SYT16: variants seen among roughly 807,000 people sequenced by gnomAD.
SYT16 encodes the protein synaptotagmin-16.
Under a neutral mutation model 61.4 loss-of-function variants are expected in SYT16, and 42 were observed. That is an observed-to-expected ratio of 0.68 (90% CI 0.53 to 0.89). The LOEUF is 0.89. Among genes scored for constraint, SYT16 ranks in the 40% least tolerant of loss-of-function variants. The probability of loss-of-function intolerance (pLI) is 0.00; values close to 1 mark genes in which losing one functional copy is unlikely to be tolerated. For synonymous variants in SYT16, 314 were observed against 302.3 expected, an observed-to-expected ratio of 1.04 and a Z score of -0.40; for missense variants, 804 against 807.3, an observed-to-expected ratio of 1.00 and a Z score of 0.05.
intron 3 of SYT16, among the ~76,000 whole-genome samples, chr14:62,042,953 A>G (rs896932649): frequency 9.2e-5 from 14 of 152,146 alleles, no homozygotes; most frequent in Admixed American, 9.2e-4. Context: ...AGAGTTCAGT[A>G]TCTTGAGAAC....
chr14:62,003,145 G>A (rs972008686), intron 3 of SYT16, among the ~76,000 whole-genome samples: 7 of 152,132 alleles, frequency 4.6e-5, no homozygotes, highest in Admixed American at 1.3e-4. Context: ...CCTTCCCCAA[G>A]TGGCCTAAGG....
chr14:61,915,579 C>G (rs978848169), intron 1 of SYT16, among the ~76,000 whole-genome samples: 1 of 151,986 alleles, frequency 6.6e-6, no homozygotes, highest in African/African-American at 2.4e-5. Context: ...CTTTTTTGAA[C>G]ATGTGTGTGT....
At chr14:61,856,717 A>G (rs1230508987) in intron 1 of SYT16, among the ~76,000 whole-genome samples, 2 of 152,184 alleles carry the variant, frequency 1.3e-5, no homozygotes, top group African/African-American at 4.8e-5. Context: ...CTGGAGATCA[A>G]AGGAAAGATC....
At chr14:62,057,715 C>T (rs1029181732) in intron 3 of SYT16, among the ~76,000 whole-genome samples, 16 of 151,890 alleles carry the variant, frequency 1.1e-4, no homozygotes, top group Admixed American at 6.6e-4. Flanking sequence ...CTCTGGGTCT[C>T]GCAAAGGAAA....
intron 1 of SYT16, among the ~76,000 whole-genome samples, chr14:61,945,577 C>T (rs951378946): frequency 9.9e-5 from 15 of 152,060 alleles, no homozygotes; most frequent in African/African-American, 2.2e-4. Context: ...GAGTTGGGGC[C>T]AGGCGCGGTG....
intron 1 of SYT16, among the ~76,000 whole-genome samples, chr14:61,900,202 A>G (rs370137545): frequency 7.1e-6 from 1 of 140,892 alleles, no homozygotes; most frequent in African/African-American, 2.7e-5. Flanking sequence ...TCTGTTGTCC[A>G]GGCTGAAATG....
At chr14:61,838,842 G>C (rs1031608763) in intron 1 of SYT16, among the ~76,000 whole-genome samples, 1 of 152,124 alleles carries the variant, frequency 6.6e-6, no homozygotes, top group South Asian at 2.1e-4. Flanking sequence ...TTAATATCTC[G>C]ATGAATCATC....
At chr14:61,816,063 A>G (rs1028078116) in intron 1 of SYT16, among the ~76,000 whole-genome samples, 18 of 152,142 alleles carry the variant, frequency 1.2e-4, no homozygotes, top group African/African-American at 3.6e-4. Context: ...ACAGATGAAC[A>G]TTTGGTATTG....
intron 3 of SYT16, among the ~76,000 whole-genome samples, chr14:62,056,348 A>G (rs10146762): frequency 0.29 from 44,248 of 152,006 alleles, 9,582 homozygotes; most frequent in African/African-American, 0.62. Context: ...TCGCACTTCT[A>G]CACCAAGGAA....
chr14:62,087,592 T>C (rs969641374), intron 7 of SYT16, among the ~76,000 whole-genome samples: 2 of 152,254 alleles, frequency 1.3e-5, no homozygotes, highest in African/African-American at 2.4e-5. Context: ...AGGTTTTACA[T>C]GTTGCTGGAA....
Position 62,038,127 on chromosome 14 carries a change from G to C in SYT16, c.524-31476G>C, listed in dbSNP as rs972162614. Among the ~76,000 whole-genome samples, 6 of 152,034 alleles carry C rather than the reference G, an allele frequency of 3.9e-5. 1 individual carries two copies. In the South Asian group the frequency reaches 6.2e-4, roughly 16 times the overall value. On this transcript the variant is annotated intron_variant, in intron 3 of 7. Transcript: ENST00000683842. ...AGCTCTAAATAGGATGTGGATAGGG[G>C]TTTCTCCAGGGCCCACACATGGCCG... is the stretch of plus-strand genomic sequence containing the variant.
intron 1 of SYT16, among the ~76,000 whole-genome samples, chr14:61,943,182 G>A (rs1438027738): frequency 6.6e-6 from 1 of 152,070 alleles, no homozygotes; most frequent in Non-Finnish European, 1.5e-5. Flanking sequence ...ACTAAACCAG[G>A]AAGAAGTCGA....
intron 1 of SYT16, among the ~76,000 whole-genome samples, chr14:61,845,824 C>T (rs565473277): frequency 6.6e-6 from 1 of 152,226 alleles, no homozygotes; most frequent in Admixed American, 6.5e-5. Flanking sequence ...AAACTTCCCT[C>T]TTAGTATTGT....
intron 3 of SYT16, among the ~76,000 whole-genome samples, chr14:62,019,210 A>C (rs1283318397): frequency 6.6e-6 from 1 of 152,242 alleles, no homozygotes; most frequent in African/African-American, 2.4e-5. Flanking sequence ...AAAAGATTTT[A>C]TTTTTAAGCT....
chr14:61,952,720 A>G (rs981707606), intron 1 of SYT16, among the ~76,000 whole-genome samples: 2 of 152,266 alleles, frequency 1.3e-5, no homozygotes, highest in Middle Eastern at 3.4e-3. Flanking sequence ...ATATGTTGCT[A>G]TGTTTTATTT....
chr14:61,883,959 G>A (rs1371230588), intron 1 of SYT16, among the ~76,000 whole-genome samples: 3 of 152,144 alleles, frequency 2.0e-5, no homozygotes, highest in Non-Finnish European at 2.9e-5. Context: ...CATGAGAACA[G>A]CATGGGGGAA....
At chr14:62,022,281 T>A (rs1020106895) in intron 3 of SYT16, among the ~76,000 whole-genome samples, 1 of 152,172 alleles carries the variant, frequency 6.6e-6, no homozygotes, top group Non-Finnish European at 1.5e-5. Context: ...TATTTTCCTT[T>A]ATTTTTGAAG....
chr14:61,840,297 A>G (rs746891399), intron 1 of SYT16, among the ~76,000 whole-genome samples: 1 of 152,144 alleles, frequency 6.6e-6, no homozygotes, highest in Non-Finnish European at 1.5e-5. Flanking sequence ...ACGAGTCTAG[A>G]GCTTGGGAGA....
chr14:61,842,894 G>A (rs1221510442), intron 1 of SYT16, among the ~76,000 whole-genome samples: 4 of 152,022 alleles, frequency 2.6e-5, no homozygotes, highest in Non-Finnish European at 5.9e-5. Flanking sequence ...CCTGCACATT[G>A]TGCACATGTA....
Sources: gnomAD v4.1 joint callset for allele counts (sites outside exome capture counted in the v4.1 genomes callset) on GRCh38, gnomAD v4.1.1 for gene constraint, MANE v1.5 for transcripts, NCBI Gene and HGNC (gene_info 2026-07-23, HGNC 2026-07-21) for gene names.